The following SAMD8 variants were observed in gnomAD, a reference collection of about 807,000 sequenced individuals.
SAMD8 encodes sphingomyelin synthase-related protein 1.
A neutral mutation model predicts 42.0 loss-of-function variants in SAMD8; 20 were observed. That is an observed-to-expected ratio of 0.48 (90% CI 0.34 to 0.69). SAMD8 has a LOEUF of 0.69. SAMD8 is among the 30% of genes least tolerant of loss of function. SAMD8 has a pLI of 0.01. For synonymous variants in SAMD8, 162 were observed against 173.0 expected (o/e 0.94, Z 0.50); for missense variants, 328 against 511.6 (o/e 0.64, Z 3.46).
chr10:75,125,160 G>A (rs1849100412), intron 1 of SAMD8: 1 of 152,202 alleles, frequency 6.6e-6, no homozygotes, highest in Admixed American at 6.5e-5. Context: ...CCCATTGTGT[G>A]TAGAATGTTT....
chr10:75,154,940 T>C (rs1840376555), intron 2 of SAMD8, among the ~76,000 whole-genome samples: 1 of 152,308 alleles, frequency 6.6e-6, no homozygotes, highest in East Asian at 1.9e-4. Flanking sequence ...TTCTCCAGGC[T>C]GGAGTTTAGT....
intron 2 of SAMD8, among the ~76,000 whole-genome samples, chr10:75,161,415 T>A (rs1308395134): frequency 1.1e-4 from 16 of 152,120 alleles, no homozygotes; most frequent in Admixed American, 1.0e-3. Context: ...CTGCGCACCC[T>A]GAGTGCGCAG....
chr10:75,150,660 G>A lies in SAMD8; in HGVS notation c.132G>A (p.Leu44=). The change falls in exon 2 of 6, where the codon TTG becomes TTA. Residue 44 remains leucine, a synonymous_variant. Transcript: ENST00000542569. ...AGCACCGACTTGATGGAATCACATT[G>A]CTAACATTGACTGAATATGATCTCC... The part of the protein sequence containing the change: ...CNKHRLDGIT[L]LTLTEYDLRS... 1 of 1,614,138 alleles carries A rather than the reference G, an allele frequency of 6.2e-7. No individual in the cohort carries two copies. The highest frequency in any genetic ancestry group is 8.5e-7 in the Non-Finnish European group (1 of 1,180,022).
chr10:75,122,934 C>A (rs1849037824), intron 1 of SAMD8, among the ~76,000 whole-genome samples: 1 of 152,102 alleles, frequency 6.6e-6, no homozygotes, highest in Non-Finnish European at 1.5e-5. Context: ...TTGAACCAGC[C>A]TTGCATCCCT....
chr10:75,156,673 G>A (rs949247499), intron 2 of SAMD8, among the ~76,000 whole-genome samples: 11 of 151,484 alleles, frequency 7.3e-5, no homozygotes, highest in African/African-American at 2.7e-4. Flanking sequence ...ATCTAATCAC[G>A]AAGAAACAAT....
intron 1 of SAMD8, among the ~76,000 whole-genome samples, chr10:75,124,400 G>A (rs1010230864): frequency 3.9e-5 from 6 of 152,136 alleles, no homozygotes; most frequent in Non-Finnish European, 8.8e-5. Context: ...ATCACTTGAG[G>A]TCAGGAGTTC....
intron 1 of SAMD8, among the ~76,000 whole-genome samples, chr10:75,132,363 C>T (rs998925565): frequency 6.6e-6 from 1 of 152,152 alleles, no homozygotes; most frequent in Non-Finnish European, 1.5e-5. Flanking sequence ...TTTTTAGACA[C>T]TTGAGTGTCT....
In SAMD8 at chr10:75,176,547, A is replaced by G. The variant is rs1275396902; in HGVS notation, c.1103A>G (p.Asn368Ser). The G allele has an allele frequency of 7.1e-6, 11 of 1,550,478 alleles. No individual in the cohort carries two copies. Among genetic ancestry groups the G allele is most frequent in the Non-Finnish European group, 8.7e-6 (10 of 1,146,960 alleles). The part of the protein sequence containing the change: ...RLFLYYHTLA[N>S]TRAYQQSRRA... Reference sequence around the variant, plus strand: ...TTTTTGTACTACCATACTCTGGCCAATACCAGAGCATATCAGCAGAGTAGG... The same window carrying G: ...TTTTTGTACTACCATACTCTGGCCAGTACCAGAGCATATCAGCAGAGTAGG... The change falls in exon 6 of 6, where the codon AAT (asparagine) becomes AGT (serine). Residue 368 changes from asparagine to serine, a missense_variant. By Grantham distance (46) the Asn-to-Ser change is conservative. Transcript: ENST00000542569. This position sits in a 1 kb window ranked among gnomAD's most constrained non-coding sequence, Gnocchi z 4.3.
rs1044828907 is a variant in SAMD8, at chr10:75,178,292, ACTTTTATG to A, written c.*1607_*1614del. 1.3e-5 allele frequency: 2 copies of A among 152,220 alleles called. No individual in the cohort carries two copies. The highest frequency in any genetic ancestry group is 2.9e-5 in the Non-Finnish European group (2 of 68,040). 9.4% of individuals were successfully genotyped at this position (152,220 alleles called of 1,614,324 possible). ...TTGAGAAATGCTGCAAGGCAATTCA[ACTTTTATG>A]CTTTTAAATCTCACAACTCAGAATC... On this transcript the variant is annotated 3_prime_UTR_variant, in exon 6 of 6. Transcript: ENST00000542569.
chr10:75,113,623 A>G (rs1347111309), intron 1 of SAMD8, among the ~76,000 whole-genome samples: 1 of 152,220 alleles, frequency 6.6e-6, no homozygotes, highest in Non-Finnish European at 1.5e-5. Context: ...AAATTAGTTT[A>G]TGTGTATGGG....
chr10:75,107,732 A>T (rs550554304), upstream of SAMD8, among the ~76,000 whole-genome samples: 24 of 152,264 alleles, frequency 1.6e-4, 1 homozygote, highest in African/African-American at 7.2e-5. Flanking sequence ...GGGTGCCACC[A>T]TGCCCGGCTA....
At position 75,150,862 on chromosome 10, in the gene SAMD8, A is replaced by G; in HGVS notation, c.334A>G (p.Asn112Asp). The G allele has an allele frequency of 6.2e-7, 1 of 1,613,768 alleles. No homozygotes were observed. The highest frequency in any genetic ancestry group is 1.1e-5 in the South Asian group (1 of 91,016). ...SALQSTDWLC[N>D]GELSHDCDGP... ...TCTTCAGAGTACAGACTGGCTCTGTAATGGGGAGCTTTCCCATGACTGTGA... is the reference window on the plus strand; with the variant it reads ...TCTTCAGAGTACAGACTGGCTCTGTGATGGGGAGCTTTCCCATGACTGTGA... The change falls in exon 2 of 6, where the codon AAT becomes GAT. Residue 112 changes from asparagine to aspartate, a missense_variant. Physicochemically the swap from Asn to Asp is conservative, Grantham distance 23 (BLOSUM62 1). Coordinates refer to ENST00000542569, the MANE Select transcript of SAMD8 (RefSeq NM_001174156.2).
chr10:75,111,588 G>C (rs1848768962), upstream of SAMD8: 2 of 1,251,696 alleles, frequency 1.6e-6, no homozygotes, highest in Admixed American at 4.1e-5. Context: ...CCTCCACTCC[G>C]GCTCCCCGCC....
chr10:75,105,871 G>A, intron 1 of SAMD8: 2 of 1,546,076 alleles, frequency 1.3e-6, no homozygotes, highest in Non-Finnish European at 8.7e-7. Flanking sequence ...GACCTTGGCT[G>A]AGGAAGACAT....
At chr10:75,130,928 C>T (rs1177015934) in intron 1 of SAMD8, among the ~76,000 whole-genome samples, 1 of 152,144 alleles carries the variant, frequency 6.6e-6, no homozygotes, top group East Asian at 1.9e-4. Flanking sequence ...AGTGCCTGAG[C>T]ATTCAACAAA....
chr10:75,101,860 C>T (rs1378656497), intron 1 of SAMD8: 5 of 1,366,072 alleles, frequency 3.7e-6, no homozygotes, highest in Non-Finnish European at 4.9e-6. Context: ...TAGGAGCACT[C>T]ACCCACCTGT....
chr10:75,181,299 G>A lies in SAMD8; in HGVS notation c.*4607G>A, dbSNP rs577015599. ...AGGAGAATTGTTAGTAACATCAAAG[G>A]TCAGAATGCTTCAGGTGACTAATAA... On this transcript the variant is annotated 3_prime_UTR_variant, in exon 6 of 6. Coordinates refer to ENST00000542569, the MANE Select transcript of SAMD8 (RefSeq NM_001174156.2). 1.5e-4 allele frequency: 23 copies of A among 152,284 alleles called. No homozygotes were observed. In the East Asian group the frequency reaches 4.2e-3, roughly 28 times the overall value. The allele number at this position is 152,284 out of a possible 1,614,324, so 9.4% of individuals were successfully genotyped here.
intron 1 of SAMD8, among the ~76,000 whole-genome samples, chr10:75,122,834 T>C (rs1433784188): frequency 1.3e-5 from 2 of 152,094 alleles, no homozygotes; most frequent in Non-Finnish European, 2.9e-5. Flanking sequence ...GATAAAAATT[T>C]TGTTAGATGC....
chr10:75,150,491 G>A lies in SAMD8; in HGVS notation c.-15-23G>A, dbSNP rs372871204. On this transcript the variant is annotated intron_variant, in intron 1 of 5. Transcript: ENST00000542569. ...TAGGACATACTGAAGCTTTTGTTTT[G>A]TTTTCCTGTTTTCTCTCTACAGGCA... The A allele has an allele frequency of 2.6e-5, 40 of 1,566,924 alleles. No individual in the cohort carries two copies. In the Admixed American group the frequency reaches 6.3e-4, roughly 25 times the overall value.
Sources: gnomAD v4.1 joint callset for allele counts (sites outside exome capture counted in the v4.1 genomes callset) on GRCh38, gnomAD v4.1.1 for gene constraint, Gnocchi (gnomAD v3.1) non-coding constraint, MANE v1.5 for transcripts, NCBI Gene and HGNC (gene_info 2026-07-23, HGNC 2026-07-21) for gene names.